Variants in SETD7 observed in about 807,000 individuals in gnomAD.
SETD7 encodes the protein histone-lysine N-methyltransferase SETD7.
Under a neutral mutation model 41.8 loss-of-function variants are expected in SETD7, and 16 were observed. The observed-to-expected ratio is 0.38, with a 90% confidence interval of 0.26 to 0.58. The LOEUF (loss-of-function observed/expected upper bound fraction) is 0.58. Ranked by LOEUF, SETD7 falls within the 20% of genes least tolerant of loss-of-function variation. The pLI is 0.64. For missense variants in SETD7, 346 were observed against 459.7 expected, an observed-to-expected ratio of 0.75 and a Z score of 2.26; for synonymous variants, 163 against 169.7, an observed-to-expected ratio of 0.96 and a Z score of 0.31.
intron 2 of SETD7, among the ~76,000 whole-genome samples, chr4:139,534,408 G>T (rs1276991288): frequency 1.7e-4 from 25 of 151,446 alleles, no homozygotes; most frequent in Admixed American, 5.3e-4. Context: ...TTTTTTTCGA[G>T]AGAGGATCTT....
downstream of SETD7, among the ~76,000 whole-genome samples, chr4:139,495,499 C>T (rs182537817): frequency 6.6e-6 from 1 of 151,800 alleles, no homozygotes; most frequent in African/African-American, 2.4e-5. Flanking sequence ...CTGGGGAGGC[C>T]TCAGGAAACT....
intron 2 of SETD7, among the ~76,000 whole-genome samples, chr4:139,536,461 C>T (rs1727638699): frequency 6.6e-6 from 1 of 152,154 alleles, no homozygotes; most frequent in South Asian, 2.1e-4. Flanking sequence ...ACTGTAATCC[C>T]AGCACTTTGG....
chr4:139,518,231 C>T (rs1046902541), intron 6 of SETD7, among the ~76,000 whole-genome samples, 189 bp from the exon 7 acceptor site: 5 of 152,152 alleles, frequency 3.3e-5, no homozygotes, highest in African/African-American at 9.7e-5. Flanking sequence ...CAGGTTCAAG[C>T]GACTCTTGTG....
intron 4 of SETD7, among the ~76,000 whole-genome samples, chr4:139,528,543 G>A (rs2111145767): frequency 6.6e-6 from 1 of 152,290 alleles, no homozygotes; most frequent in South Asian, 2.1e-4. Flanking sequence ...AATGTGTATG[G>A]TGTAATTTCC....
In SETD7 at chr4:139,499,547, C is replaced by T. The variant is rs57122092; in HGVS notation, c.921-3026G>A. Among the ~76,000 whole-genome samples, 256 of 152,260 alleles carry T rather than the reference C, an allele frequency of 1.7e-3. 2 individuals are homozygous for T. The highest frequency in any genetic ancestry group is 6.0e-3 in the African/African-American group (248 of 41,544). Reference sequence around the variant, plus strand: ...AGCAGACCCAGAGATGCCACCTGGTCCCAAGACCCCCCCTCCCAGGAACTG... The same window carrying T: ...AGCAGACCCAGAGATGCCACCTGGTTCCAAGACCCCCCCTCCCAGGAACTG... On this transcript the variant is annotated intron_variant, in intron 7 of 7. Coordinates refer to the SETD7 transcript ENST00000506866.
chr4:139,547,618 T>C (rs1728000260), intron 1 of SETD7, among the ~76,000 whole-genome samples: 1 of 152,246 alleles, frequency 6.6e-6, no homozygotes, highest in African/African-American at 2.4e-5. Context: ...GTTATTGTTA[T>C]ATTCACACAA....
rs143775098 is a variant in SETD7 at position 139,534,789 on chromosome 4, C to T, written c.171-1423G>A. Among the ~76,000 whole-genome samples the T allele has an allele frequency of 4.0e-3, 612 of 152,242 alleles. 9 individuals carry two copies. The highest frequency in any genetic ancestry group is 0.019 in the Admixed American group (290 of 15,296). On this transcript the variant is annotated intron_variant, in intron 2 of 7. Transcript: ENST00000274031. ...ACACTGTGAACTGGAGCAGATGGGA[C>T]GCAAAGCGGGCCATCAGGACTTAGG...
intron 1 of SETD7, among the ~76,000 whole-genome samples, chr4:139,552,692 A>C (rs903168567): frequency 3.3e-5 from 5 of 152,022 alleles, no homozygotes; most frequent in African/African-American, 1.2e-4. Flanking sequence ...CTCTGGGTGC[A>C]CCCGCAGAAT....
chr4:139,515,253 C>A (rs548629309), intron 7 of SETD7, among the ~76,000 whole-genome samples: 1 of 151,100 alleles, frequency 6.6e-6, no homozygotes, highest in East Asian at 2.0e-4. Flanking sequence ...ATCTGAATTT[C>A]ATATTTGGTT....
At chr4:139,546,106 T>G (rs1727935129) in intron 2 of SETD7, among the ~76,000 whole-genome samples, 1 of 152,230 alleles carries the variant, frequency 6.6e-6, no homozygotes, top group African/African-American at 2.4e-5. Flanking sequence ...TCCCTCTCAG[T>G]GTCCTCAGAC....
chr4:139,517,632 T>G (rs559281335), intron 7 of SETD7, among the ~76,000 whole-genome samples: 3 of 152,224 alleles, frequency 2.0e-5, no homozygotes, highest in Admixed American at 2.0e-4. Context: ...CAGCAACCCC[T>G]CGGTGTGGTA....
intron 3 of SETD7, among the ~76,000 whole-genome samples, chr4:139,531,255 C>T (rs1727476714): frequency 6.6e-6 from 1 of 152,192 alleles, no homozygotes; most frequent in South Asian, 2.1e-4. Flanking sequence ...TTGAGCGACG[C>T]CAATCCATTC....
chr4:139,494,253 G>A (rs911446554), downstream of SETD7, among the ~76,000 whole-genome samples: 10 of 152,170 alleles, frequency 6.6e-5, no homozygotes, highest in Admixed American at 2.0e-4. Flanking sequence ...AAGGGCTTGA[G>A]TCCAGATCTT....
At chr4:139,544,553 G>A (rs1441332306) in intron 2 of SETD7, among the ~76,000 whole-genome samples, 2 of 152,110 alleles carry the variant, frequency 1.3e-5, no homozygotes, top group African/African-American at 4.8e-5. Flanking sequence ...GAAGACAGGT[G>A]CCCAGGAAGT....
downstream of SETD7, among the ~76,000 whole-genome samples, chr4:139,493,311 C>T (rs992610906): frequency 6.6e-6 from 1 of 152,056 alleles, no homozygotes; most frequent in Non-Finnish European, 1.5e-5. Flanking sequence ...GAGCTAGAGG[C>T]AAACAGGCAG....
chr4:139,539,113 G>A (rs1157696557), intron 2 of SETD7, among the ~76,000 whole-genome samples: 3 of 152,100 alleles, frequency 2.0e-5, no homozygotes, highest in Non-Finnish European at 4.4e-5. Flanking sequence ...AACAGTTTTG[G>A]CTTTTCTTCA....
At chr4:139,552,096 G>A (rs1321084958) in intron 1 of SETD7, among the ~76,000 whole-genome samples, 2 of 151,968 alleles carry the variant, frequency 1.3e-5, no homozygotes, top group East Asian at 3.9e-4. Flanking sequence ...AAGGGTAATT[G>A]TTGGCAAGGG....
chr4:139,532,062 T>C (rs1682518164), intron 3 of SETD7, among the ~76,000 whole-genome samples: 1 of 152,128 alleles, frequency 6.6e-6, no homozygotes, highest in African/African-American at 2.4e-5. Context: ...CCACTGCACC[T>C]CATCCTGGGC....
intron 1 of SETD7, 62 bp from the exon 2 acceptor site, chr4:139,547,111 TA>T (rs1318308911): frequency 6.3e-7 from 1 of 1,588,720 alleles, no homozygotes; most frequent in Non-Finnish European, 8.6e-7. Context: ...ATCTGACGTC[TA>T]AGCATTCAGA....
Sources: allele counts gnomAD v4.1 joint callset (sites outside exome capture counted in the v4.1 genomes callset), GRCh38; gene constraint gnomAD v4.1.1; transcripts MANE v1.5; gene names NCBI Gene and HGNC (gene_info 2026-07-23, HGNC 2026-07-21).